The following RADX variants were observed in gnomAD, a reference collection of about 807,000 sequenced individuals.
RADX encodes the protein RPA-related protein RADX.
Under a neutral mutation model 61.6 loss-of-function variants are expected in RADX, and 36 were observed. The observed-to-expected ratio is 0.58, with a 90% confidence interval of 0.45 to 0.77. RADX has a LOEUF of 0.77. RADX is among the 30% of genes least tolerant of loss of function. RADX has a pLI of 0.00. For missense variants in RADX, 497 were observed against 651.1 expected, an observed-to-expected ratio of 0.76 and a Z score of 2.58; for synonymous variants, 272 against 237.9, an observed-to-expected ratio of 1.14 and a Z score of -1.32.
intron 1 of RADX, among the ~76,000 whole-genome samples, chrX:106,615,471 C>T (rs1050903674): frequency 4.5e-5 from 5 of 111,646 alleles, no homozygotes; most frequent in African/African-American, 1.6e-4. Context: ...ATCCTCAAAC[C>T]TCCAGTCTTT....
intron 1 of RADX, among the ~76,000 whole-genome samples, chrX:106,613,687 A>G (rs922245746): frequency 8.9e-6 from 1 of 111,955 alleles, no homozygotes; most frequent in Non-Finnish European, 1.9e-5. Context: ...CCATGCAATT[A>G]TAGTCACATC....
chrX:106,652,029 T>A (rs1927804781), intron 11 of RADX, among the ~76,000 whole-genome samples: 1 of 110,534 alleles, frequency 9.0e-6, no homozygotes, highest in South Asian at 3.8e-4. Flanking sequence ...CTTTTTTTTT[T>A]AAGATAAAAC....
rs774593094 is a variant in RADX, at chrX:106,660,997, A to G, written c.1979-1018A>G. Among the ~76,000 whole-genome samples the G allele has an allele frequency of 3.6e-5, 4 of 111,227 alleles. No individual in the cohort carries two copies. The South Asian group carries it at 1.5e-3, about 43-fold the overall frequency. ...GACAATGTGTGCAGGAAGAAATGTC[A>G]AACACTTATAAAACCATCAGATCTC... is the stretch of plus-strand genomic sequence containing the variant. On this transcript the variant is annotated intron_variant, in intron 11 of 13. Transcript: ENST00000372548.
At chrX:106,615,830 C>A (rs1926789282) in intron 1 of RADX, among the ~76,000 whole-genome samples, 1 of 111,264 alleles carries the variant, frequency 9.0e-6, no homozygotes, top group East Asian at 2.8e-4. Flanking sequence ...TAATGTTGAG[C>A]CACTTTTGAA....
At chrX:106,676,406 T>C (rs1928511347) in intron 13 of RADX, among the ~76,000 whole-genome samples, 1 of 111,985 alleles carries the variant, frequency 8.9e-6, no homozygotes, top group African/African-American at 3.2e-5. Flanking sequence ...CCAAATAGTA[T>C]ACCCTTGGGG....
chrX:106,624,904 T>C (rs1927041770), intron 2 of RADX, among the ~76,000 whole-genome samples, 186 bp from the exon 3 acceptor site: 1 of 111,726 alleles, frequency 9.0e-6, no homozygotes, highest in African/African-American at 3.2e-5. Flanking sequence ...CCTCAATACA[T>C]TTCTCTATCT....
At chrX:106,647,057 G>C (rs186117676) in intron 10 of RADX, among the ~76,000 whole-genome samples, 115 of 110,145 alleles carry the variant, frequency 1.0e-3, no homozygotes, top group African/African-American at 3.6e-3. Flanking sequence ...TCACCCTGTT[G>C]TGCTATCAAA....
intron 11 of RADX, among the ~76,000 whole-genome samples, chrX:106,654,630 A>G (rs1927891045): frequency 8.9e-6 from 1 of 111,859 alleles, no homozygotes; most frequent in Admixed American, 9.5e-5. Context: ...CTTAAACGTA[A>G]GACCTAAATC....
intron 12 of RADX, among the ~76,000 whole-genome samples, chrX:106,667,621 G>A (rs754778263): frequency 2.6e-4 from 29 of 111,292 alleles, no homozygotes; most frequent in Admixed American, 6.7e-4. Flanking sequence ...CACCACACCC[G>A]ACCAGAACTC....
chrX:106,675,545 C>T (rs1290222325), intron 13 of RADX, among the ~76,000 whole-genome samples: 1 of 112,080 alleles, frequency 8.9e-6, no homozygotes. Flanking sequence ...TGACACATTA[C>T]TTCTACTTGC....
At position 106,612,716 on chromosome X, in the gene RADX, C is replaced by A; in HGVS notation, c.636C>A (p.Asn212Lys). 8.4e-7 allele frequency: 1 copy of A among 1,188,602 alleles called. No individual in the cohort carries two copies. Among genetic ancestry groups the A allele is most frequent in the Non-Finnish European group, 1.1e-6 (1 of 886,662 alleles). The change falls in exon 1 of 14, where the codon AAC becomes AAA. Residue 212 changes from asparagine to lysine, a missense_variant. Physicochemically the swap from Asn to Lys is moderately conservative, Grantham distance 94. Coordinates refer to ENST00000372548, the MANE Select transcript of RADX (RefSeq NM_018015.6). Reference protein sequence around the residue: ...WLTDKQPEEHNFSDTKIISLS... With the variant: ...WLTDKQPEEHKFSDTKIISLS... ...CAGACAAGCAACCTGAGGAACACAACTTTAGCGGTAAGTGTTTGGAAAGAA... is the reference window on the plus strand; with the variant it reads ...CAGACAAGCAACCTGAGGAACACAAATTTAGCGGTAAGTGTTTGGAAAGAA...
intron 11 of RADX, among the ~76,000 whole-genome samples, chrX:106,660,045 T>C (rs975133647): frequency 8.9e-6 from 1 of 112,000 alleles, no homozygotes; most frequent in African/African-American, 3.2e-5. Context: ...ATGTTTAATA[T>C]GGGTTAGATC....
At chrX:106,625,758 C>G (rs1927061502) in intron 3 of RADX, among the ~76,000 whole-genome samples, 1 of 110,931 alleles carries the variant, frequency 9.0e-6, no homozygotes, top group Non-Finnish European at 1.9e-5. Flanking sequence ...TTATATATCT[C>G]TCTTCATACA....
intron 13 of RADX, among the ~76,000 whole-genome samples, chrX:106,672,760 C>G (rs907363527): frequency 8.9e-6 from 1 of 112,052 alleles, no homozygotes; most frequent in African/African-American, 3.2e-5. Flanking sequence ...GACGTGCCAT[C>G]CAGGAGCCAG....
In RADX at chrX:106,678,478, A is replaced by C. The variant is rs1009831862; in HGVS notation, c.*220A>C. ...GGTCATCAAAATAATTTTTGTGTAT[A>C]AGGGAATTTACCTTGCTTACCTTAC... On this transcript the variant is annotated 3_prime_UTR_variant, in exon 14 of 14. Transcript: ENST00000372548. The C allele has an allele frequency of 3.5e-6, 1 of 285,142 alleles. No individual in the cohort carries two copies. The highest frequency in any genetic ancestry group is 8.6e-5 in the South Asian group (1 of 11,562). The allele number at this position is 285,142 out of a possible 1,213,427, so 23.5% of individuals were successfully genotyped here.
At chrX:106,670,272 A>G (rs771444450) in intron 13 of RADX, among the ~76,000 whole-genome samples, 1 of 111,293 alleles carries the variant, frequency 9.0e-6, no homozygotes, top group Non-Finnish European at 1.9e-5. Context: ...GACTTTCAGT[A>G]ATTTCACATT....
At chrX:106,655,289 G>T (rs1927908355) in intron 11 of RADX, among the ~76,000 whole-genome samples, 1 of 97,320 alleles carries the variant, frequency 1.0e-5, no homozygotes. Context: ...GGCTGTGGCA[G>T]TTTCTTTTTC....
chrX:106,615,406 G>T (rs919861786), intron 1 of RADX, among the ~76,000 whole-genome samples: 1 of 110,794 alleles, frequency 9.0e-6, no homozygotes, highest in Non-Finnish European at 1.9e-5. Flanking sequence ...CTCACCTCTC[G>T]AATCTCTAAC....
Position 106,625,199 on chromosome X carries a change from A to G in RADX, c.896A>G (p.Gln299Arg). The G allele has an allele frequency of 1.7e-6, 2 of 1,206,003 alleles. No homozygotes were observed. The highest frequency in any genetic ancestry group is 5.9e-5 in the East Asian group (2 of 33,619). ...CGGGTTGGTTTAGTTCTTCTGCTTC[A>G]AGACTATTCTGTTAAAAAGAGTTAT... ...SLRVGLVLLLQDYSVKKSYPF... is the reference protein window; with the variant it reads ...SLRVGLVLLLRDYSVKKSYPF... The change falls in exon 3 of 14, where the codon CAA becomes CGA. Residue 299 changes from glutamine to arginine, a missense_variant. This residue lies in a region of RADX where 196 missense variants were observed against 315.0 expected (regional missense o/e 0.62). Coordinates refer to ENST00000372548, the MANE Select transcript of RADX (RefSeq NM_018015.6).
Sources: allele counts gnomAD v4.1 joint callset (sites outside exome capture counted in the v4.1 genomes callset), GRCh38; gene constraint gnomAD v4.1.1; regional missense constraint gnomAD v4.1.1; transcripts MANE v1.5; gene names NCBI Gene and HGNC (gene_info 2026-07-23, HGNC 2026-07-21).